Variants in TAF8 observed in about 807,000 individuals in gnomAD.
TAF8 encodes the protein TATA-box binding protein associated factor 8, also known as transcription initiation factor TFIID subunit 8.
In TAF8, 47 loss-of-function variants were observed where a neutral mutation model predicts 36.5. That is an observed-to-expected ratio of 1.29 (90% confidence interval 1.02 to 1.64). TAF8 has a LOEUF of 1.64. Among genes scored for constraint, TAF8 ranks in the 40% most tolerant of loss-of-function variants. The pLI is 0.00. For missense variants in TAF8, 420 were observed against 407.6 expected, an observed-to-expected ratio of 1.03 and a Z score of -0.26; for synonymous variants, 175 against 159.5, an observed-to-expected ratio of 1.10 and a Z score of -0.73.
chr6:42,077,615 GGAA>G lies in TAF8; in HGVS notation c.*76_*78del. The G allele has an allele frequency of 6.3e-7, 1 of 1,589,202 alleles. No individual in the cohort carries two copies. The highest frequency in any genetic ancestry group is 1.1e-5 in the South Asian group (1 of 87,488). On this transcript the variant is annotated 3_prime_UTR_variant, in exon 9 of 9. Transcript: ENST00000372977. The stretch of plus-strand genomic sequence containing the variant: ...TCCCGGGGAGTTAAAGCCACTCAAG[GGAA>G]GAAGAGGGTGACCTCCTCATGGCCA...
Position 42,051,233 on chromosome 6 carries a change from A to G in TAF8, c.46-124A>G, listed in dbSNP as rs1348459369. 4.6e-6 allele frequency: 6 copies of G among 1,316,774 alleles called. No individual in the cohort carries two copies. In the East Asian group the frequency reaches 1.5e-4, roughly 33 times the overall value. The allele number at this position is 1,316,774 out of a possible 1,614,324, so 81.6% of individuals were successfully genotyped here. On this transcript the variant is annotated intron_variant, in intron 1 of 8. Coordinates refer to ENST00000372977, the MANE Select transcript of TAF8 (RefSeq NM_138572.3). ...AGTTGGCCAAGATCTGTAAATCTAA[A>G]CATTAAGCACTGATTTTTAAAATAA...
chr6:42,054,823 C>G (rs1247517963), intron 2 of TAF8, among the ~76,000 whole-genome samples: 1 of 152,074 alleles, frequency 6.6e-6, no homozygotes, highest in African/African-American at 2.4e-5. Flanking sequence ...CCAGGCTAGT[C>G]TTGAACTCCT....
intron 7 of TAF8, among the ~76,000 whole-genome samples, chr6:42,069,117 C>T (rs572346518): frequency 2.3e-4 from 35 of 152,124 alleles, no homozygotes; most frequent in Admixed American, 1.2e-3. Context: ...TCAGGGTGGC[C>T]AGAGTGGAGT....
At position 42,081,170 on chromosome 6, in the gene TAF8, A is replaced by AGT. The variant is rs58805733; in HGVS notation, c.*3645_*3646dup. The AGT allele has an allele frequency of 0.029, 3,962 of 137,024 alleles. 79 individuals are homozygous for AGT. The highest frequency in any genetic ancestry group is 0.069 in the African/African-American group (2,240 of 32,634). 8.5% of individuals were successfully genotyped at this position (137,024 alleles called of 1,614,324 possible). ...TGTCCTTTATTTTCTTTCCTCCTGG[A>AGT]GTGTGTGTGTGTGTGTGTGTGCGTG... On this transcript the variant is annotated 3_prime_UTR_variant, in exon 9 of 9. Coordinates refer to ENST00000372977, the MANE Select transcript of TAF8 (RefSeq NM_138572.3).
intron 7 of TAF8, among the ~76,000 whole-genome samples, chr6:42,075,025 G>A (rs758551068): frequency 3.9e-5 from 6 of 152,056 alleles, no homozygotes; most frequent in Admixed American, 1.3e-4. Context: ...TGAGGCTGGC[G>A]TTTTCAGCAC....
Position 42,068,753 on chromosome 6 carries a change from C to T in TAF8, c.780+146C>T, listed in dbSNP as rs952681302. On this transcript the variant is annotated intron_variant, in intron 7 of 8. Coordinates refer to ENST00000372977, the MANE Select transcript of TAF8 (RefSeq NM_138572.3). ...CCTGCATAAGGGCTTGCGTGATGAT[C>T]CAGATGTGACCCAATCTCCTGCTTA... 23 of 886,522 alleles carry T rather than the reference C, an allele frequency of 2.6e-5. No individual in the cohort carries two copies. The African/African-American group carries it at 3.8e-4, about 15-fold the overall frequency. 54.9% of individuals were successfully genotyped at this position (886,522 alleles called of 1,614,324 possible). A position where few individuals can be genotyped will look rare whatever the true frequency, so the allele number is the denominator to read the frequency against.
chr6:42,050,909 C>T, intron 1 of TAF8: 1 of 1,178,390 alleles, frequency 8.5e-7, no homozygotes, highest in Non-Finnish European at 1.1e-6. Flanking sequence ...ATTTAGCTTT[C>T]TTACTTTTTT....
At chr6:42,075,520 T>C (rs1344931710) in intron 7 of TAF8, among the ~76,000 whole-genome samples, 1 of 152,248 alleles carries the variant, frequency 6.6e-6, no homozygotes, top group Non-Finnish European at 1.5e-5. Context: ...CTAGGCCAGC[T>C]GTCCTGTCAG....
chr6:42,075,881 A>G (rs1178322526), intron 7 of TAF8, among the ~76,000 whole-genome samples: 1 of 152,190 alleles, frequency 6.6e-6, no homozygotes, highest in Non-Finnish European at 1.5e-5. Context: ...TGAACTTACA[A>G]ACTTTTCTGA....
At chr6:42,071,677 C>A (rs1765582672) in intron 7 of TAF8, among the ~76,000 whole-genome samples, 1 of 151,286 alleles carries the variant, frequency 6.6e-6, no homozygotes, top group Non-Finnish European at 1.5e-5. Flanking sequence ...AGAATTAGGG[C>A]TGGGAGACCA....
chr6:42,070,838 AG>A (rs1246279271), intron 7 of TAF8, among the ~76,000 whole-genome samples: 1 of 152,170 alleles, frequency 6.6e-6, no homozygotes, highest in Non-Finnish European at 1.5e-5. Flanking sequence ...GGTAGACGAG[AG>A]GGGATGGGCC....
rs1383106896 is a variant in TAF8 at position 42,082,046 on chromosome 6, T to C, written c.*4501T>C. On this transcript the variant is annotated 3_prime_UTR_variant, in exon 9 of 9. Coordinates refer to ENST00000372977, the MANE Select transcript of TAF8 (RefSeq NM_138572.3). ...CCTTGCATTCAGTTTCAGTGTACAA[T>C]GTAGATGGTATATTAGTACAATGCA... The C allele has an allele frequency of 6.6e-6, 1 of 152,244 alleles. No homozygotes were observed. Among genetic ancestry groups the C allele is most frequent in the Non-Finnish European group, 1.5e-5 (1 of 68,040 alleles). 9.4% of individuals were successfully genotyped at this position (152,244 alleles called of 1,614,324 possible).
At position 42,079,698 on chromosome 6, in the gene TAF8, G is replaced by A. The variant is rs1765863397; in HGVS notation, c.*2153G>A. 4.5e-6 allele frequency: 3 copies of A among 665,446 alleles called. No individual in the cohort carries two copies. Among genetic ancestry groups the A allele is most frequent in the Admixed American group, 6.5e-5 (1 of 15,382 alleles). The allele number at this position is 665,446 out of a possible 1,614,324, so 41.2% of individuals were successfully genotyped here. A position where few individuals can be genotyped will look rare whatever the true frequency, so the allele number is the denominator to read the frequency against. On this transcript the variant is annotated 3_prime_UTR_variant, in exon 9 of 9. Transcript: ENST00000372977. ...AGAGTAGCTGGGATTACAGATGCCC[G>A]CCACCACATCTGGCTAATTTTTTTT... is the stretch of plus-strand genomic sequence containing the variant.
Position 42,068,543 on chromosome 6 carries a change from AG to A in TAF8, c.717del (p.Thr240GlnfsTer59). On this transcript the variant is annotated frameshift_variant, in exon 7 of 9. Transcript: ENST00000372977. LOFTEE classifies it high-confidence loss of function. ...GAACTGGAGATGCAACAAATGGAAG[AG>A]ACAGATTCCTCGGAGCAGGATGAAC... ...PSELEMQQME[E>X]TDSSEQDEQT... The A allele has an allele frequency of 6.2e-7, 1 of 1,614,128 alleles. No individual in the cohort carries two copies. Among genetic ancestry groups the A allele is most frequent in the Non-Finnish European group, 8.5e-7 (1 of 1,180,030 alleles).
intron 5 of TAF8, among the ~76,000 whole-genome samples, chr6:42,062,162 A>G (rs1765212187): frequency 6.6e-6 from 1 of 152,194 alleles, no homozygotes; most frequent in African/African-American, 2.4e-5. Flanking sequence ...TCATATTTGT[A>G]CTAGCGCATC....
intron 5 of TAF8, among the ~76,000 whole-genome samples, chr6:42,065,608 C>T (rs757364729): frequency 4.6e-5 from 7 of 152,074 alleles, no homozygotes; most frequent in Non-Finnish European, 1.0e-4. Context: ...CATAGGCAGC[C>T]ACTCCCATAC....
At chr6:42,059,307 C>T (rs1335790471) in intron 5 of TAF8, among the ~76,000 whole-genome samples, 3 of 151,550 alleles carry the variant, frequency 2.0e-5, no homozygotes, top group Non-Finnish European at 2.9e-5. Flanking sequence ...AGTGTGAACC[C>T]GGGAGGCAGA....
In TAF8 at chr6:42,057,383, T is replaced by A. The variant is rs754312516; in HGVS notation, c.365-6T>A. On this transcript the variant is annotated splice_region_variant and splice_polypyrimidine_tract_variant and intron_variant, in intron 4 of 8. Transcript: ENST00000372977. The stretch of plus-strand genomic sequence containing the variant: ...GGAGGGGTAATCAGTTGTGACTCTG[T>A]TGCAGCTCCGGTGACCAATCAGCCA... The A allele has an allele frequency of 8.1e-5, 130 of 1,613,916 alleles. No individual in the cohort carries two copies. The highest frequency in any genetic ancestry group is 8.5e-7 in the Non-Finnish European group (1 of 1,180,014).
Position 42,055,533 on chromosome 6 carries a change from A to C in TAF8, c.205A>C (p.Ile69Leu), listed in dbSNP as rs750684997. The C allele has an allele frequency of 1.2e-6, 2 of 1,611,940 alleles. No individual in the cohort carries two copies. Among genetic ancestry groups the C allele is most frequent in the African/African-American group, 2.7e-5 (2 of 74,842 alleles). Residue 69 changes from isoleucine to leucine, a missense_variant and splice_region_variant, in exon 3 of 9, where the codon ATT (isoleucine) becomes CTT (leucine). Physicochemically the swap from Ile to Leu is conservative, Grantham distance 5. Transcript: ENST00000372977. Reference protein sequence around the residue: ...ETLTEMLQSYISEIGRSAKSY... With the variant: ...ETLTEMLQSYLSEIGRSAKSY... ...TTATGCCTTTAATCCCCTCTTAGAC[A>C]TTTCAGAAATTGGGAGAAGTGCCAA...
Sources: gnomAD v4.1 joint callset for allele counts (sites outside exome capture counted in the v4.1 genomes callset) on GRCh38, gnomAD v4.1.1 for gene constraint, MANE v1.5 for transcripts, NCBI Gene and HGNC (gene_info 2026-07-23, HGNC 2026-07-21) for gene names.